PAX1: variants seen among roughly 807,000 people sequenced by gnomAD.
PAX1 encodes the protein paired box 1, also known as paired box protein Pax-1.
Under a neutral mutation model 35.6 loss-of-function variants are expected in PAX1, and 18 were observed. That is an observed-to-expected ratio of 0.50 (90% confidence interval 0.35 to 0.75). The LOEUF is 0.75. Among genes scored for constraint, PAX1 ranks in the 30% least tolerant of loss-of-function variants. The pLI, the probability that PAX1 is intolerant of heterozygous loss-of-function variation, is 0.01. For missense variants in PAX1, 760 were observed against 661.5 expected, an observed-to-expected ratio of 1.15 and a Z score of -1.63; for synonymous variants, 397 against 305.2, an observed-to-expected ratio of 1.30 and a Z score of -3.14.
intron 4 of PAX1, among the ~76,000 whole-genome samples, chr20:21,710,443 C>T (rs912000032): frequency 2.0e-5 from 3 of 152,196 alleles, no homozygotes; most frequent in Admixed American, 6.5e-5. Context: ...CACCCCAGGT[C>T]GTCCCAGCCC....
Position 21,706,563 on chromosome 20 carries a change from C to T in PAX1, c.412C>T (p.Arg138Trp). Residue 138 changes from arginine (R) to tryptophan (W), a missense_variant, in exon 2 of 5, where the codon CGG (arginine) becomes TGG (tryptophan). Arg to Trp is a moderately radical substitution (Grantham distance 101, BLOSUM62 -3). Transcript: ENST00000613128. The surrounding 1 kb of genome is among the most constrained non-coding windows in gnomAD (Gnocchi z 5.3). ...QLGIRPCDIS[R>W]QLRVSHGCVS... is the part of the protein sequence containing the mutation. Reference sequence around the variant, plus strand: ...GGGCATCCGACCCTGTGACATCAGTCGGCAGCTCCGCGTATCCCACGGCTG... The same window carrying T: ...GGGCATCCGACCCTGTGACATCAGTTGGCAGCTCCGCGTATCCCACGGCTG... 2 of 1,612,264 alleles carry T rather than the reference C, an allele frequency of 1.2e-6. No individual in the cohort carries two copies. Among genetic ancestry groups the T allele is most frequent in the Non-Finnish European group, 8.5e-7 (1 of 1,180,010 alleles).
chr20:21,714,464 C>G lies in PAX1; in HGVS notation c.1283-7C>G. ...GTGATCCGACGCCTCTGTGCTTCCT[C>G]CCGCAGTGGCTGACAGGAAGCCTCC... On this transcript the variant is annotated splice_polypyrimidine_tract_variant and splice_region_variant and intron_variant, in intron 4 of 4. Coordinates refer to ENST00000613128, the MANE Select transcript of PAX1 (RefSeq NM_001257096.2). 6.4e-7 allele frequency: 1 copy of G among 1,561,090 alleles called. No individual in the cohort carries two copies. The highest frequency in any genetic ancestry group is 8.7e-7 in the Non-Finnish European group (1 of 1,154,858).
intron 4 of PAX1, among the ~76,000 whole-genome samples, chr20:21,709,904 C>T (rs1030400860): frequency 6.6e-6 from 1 of 152,116 alleles, no homozygotes; most frequent in Admixed American, 6.5e-5. Flanking sequence ...ACCTAACCTC[C>T]ATCCCCAGAC....
intron 4 of PAX1, among the ~76,000 whole-genome samples, chr20:21,712,010 A>C (rs1397976050): frequency 6.6e-6 from 1 of 152,242 alleles, no homozygotes; most frequent in African/African-American, 2.4e-5. Context: ...CTTTTCAGTA[A>C]GAAAAAATTC....
chr20:21,711,545 T>G (rs1465571414), intron 4 of PAX1, among the ~76,000 whole-genome samples: 1 of 152,250 alleles, frequency 6.6e-6, no homozygotes, highest in African/African-American at 2.4e-5. Context: ...CACCTGTTTT[T>G]AAAAGCTACA....
chr20:21,705,840 C>T lies in PAX1; in HGVS notation c.128C>T (p.Pro43Leu), dbSNP rs1362165393. The change falls in exon 1 of 5, where the codon CCG becomes CTG. Residue 43 changes from proline to leucine, a missense_variant. This residue lies in a region of PAX1 where 222 missense variants were observed against 153.0 expected (regional missense o/e 1.45). Transcript: ENST00000613128. ...LRCRAQRVSS[P>L]RLGRRGSRLS... ...TGCCGCGCACAGCGCGTCTCCAGCC[C>T]GCGGCTGGGCCGCCGCGGCTCTCGG... The T allele has an allele frequency of 3.7e-6, 5 of 1,364,774 alleles. No homozygotes were observed. The African/African-American group carries it at 6.1e-5, about 17-fold the overall frequency. 84.5% of individuals were successfully genotyped at this position (1,364,774 alleles called of 1,614,324 possible).
intron 4 of PAX1, among the ~76,000 whole-genome samples, chr20:21,712,474 A>G (rs914897398): frequency 2.0e-5 from 3 of 152,154 alleles, no homozygotes; most frequent in East Asian, 3.9e-4. Context: ...GGGCACGACC[A>G]TCTCCCCTTC....
intron 4 of PAX1, among the ~76,000 whole-genome samples, chr20:21,713,259 C>T (rs183815725): frequency 3.9e-5 from 6 of 152,244 alleles, no homozygotes; most frequent in East Asian, 1.9e-4. Flanking sequence ...GTTGGCTGGG[C>T]GGCCACAACT....
rs1403426625 is a variant in PAX1 at position 21,717,243 on chromosome 20, G to C, written c.*2681G>C. ...CAGCAGGCTCTGACATTTCATGTGG[G>C]GTGTGGAGGGACATACCCCCTCTCT... On this transcript the variant is annotated 3_prime_UTR_variant, in exon 5 of 5. Coordinates refer to ENST00000613128, the MANE Select transcript of PAX1 (RefSeq NM_001257096.2). The C allele has an allele frequency of 6.6e-6, 1 of 152,246 alleles. No homozygotes were observed. Among genetic ancestry groups the C allele is most frequent in the Non-Finnish European group, 1.5e-5 (1 of 68,076 alleles). 9.4% of individuals were successfully genotyped at this position (152,246 alleles called of 1,614,324 possible).
intron 4 of PAX1, among the ~76,000 whole-genome samples, chr20:21,710,518 T>G (rs549229227): frequency 6.6e-6 from 1 of 152,208 alleles, no homozygotes; most frequent in East Asian, 1.9e-4. Context: ...TATAAAAGGA[T>G]TTTTACTAGC....
chr20:21,714,479 AG>A lies in PAX1; in HGVS notation c.1293del (p.Lys432SerfsTer107). The A allele has an allele frequency of 6.3e-7, 1 of 1,580,066 alleles. No individual in the cohort carries two copies. Among genetic ancestry groups the A allele is most frequent in the Non-Finnish European group, 8.6e-7 (1 of 1,165,258 alleles). On this transcript the variant is annotated frameshift_variant, in exon 5 of 5. Coordinates refer to ENST00000613128, the MANE Select transcript of PAX1 (RefSeq NM_001257096.2). LOFTEE classifies it high-confidence loss of function. ...TGTGCTTCCTCCCGCAGTGGCTGAC[AG>A]GAAGCCTCCCAGCTCCGGCAGCAAG... ...FKHPSREVADRKPPSSGSKAP... is the reference protein window; with the variant it reads ...FKHPSREVADXKPPSSGSKAP...
rs1320609661 is a variant in PAX1, at chr20:21,706,761, G to A, written c.610G>A (p.Gly204Ser). The change falls in exon 2 of 5, where the codon GGC (glycine) becomes AGC (serine). Residue 204 changes from glycine (G) to serine (S), a missense_variant. This residue lies in a region of PAX1 where 490 missense variants were observed against 428.4 expected (regional missense o/e 1.14). Transcript: ENST00000613128. This position sits in a 1 kb window ranked among gnomAD's most constrained non-coding sequence, Gnocchi z 5.3. The stretch of plus-strand genomic sequence containing the variant: ...GATCCGCGACCGGCTGCTGGCCGAC[G>A]GCGTCTGTGACAAGTACAATGTGCC... ...WEIRDRLLAD[G>S]VCDKYNVPSV... is the part of the protein sequence containing the mutation. 2 of 1,613,258 alleles carry A rather than the reference G, an allele frequency of 1.2e-6. No homozygotes were observed. The highest frequency in any genetic ancestry group is 1.7e-5 in the Admixed American group (1 of 60,012).
chr20:21,708,583 C>G lies in PAX1; in HGVS notation c.942C>G (p.Thr314=). The change falls in exon 3 of 5, where the codon ACC becomes ACG. Residue 314 remains threonine (T), a synonymous_variant. Transcript: ENST00000613128. ...QTGALAGSEG[T]AYSPKMEDWA... ...GGGCCCTGGCTGGGAGCGAAGGCAC[C>G]GCTTACTCTCCCAAGATGGAAGACT... 1 of 1,613,780 alleles carries G rather than the reference C, an allele frequency of 6.2e-7. No individual in the cohort carries two copies. The highest frequency in any genetic ancestry group is 1.1e-5 in the South Asian group (1 of 91,082).
chr20:21,714,836 A>G lies in PAX1; in HGVS notation c.*274A>G, dbSNP rs1202672506. 6.4e-7 allele frequency: 1 copy of G among 1,563,090 alleles called. No homozygotes were observed. Among genetic ancestry groups the G allele is most frequent in the Non-Finnish European group, 8.7e-7 (1 of 1,146,874 alleles). ...TACCCTCCTCACAATCCTTGCTCTG[A>G]CGTGGCCTCCTTCGCTCTGCCAGCT... On this transcript the variant is annotated 3_prime_UTR_variant, in exon 5 of 5. Coordinates refer to ENST00000613128, the MANE Select transcript of PAX1 (RefSeq NM_001257096.2).
chr20:21,712,558 C>G (rs1359221554), intron 4 of PAX1, among the ~76,000 whole-genome samples: 1 of 152,122 alleles, frequency 6.6e-6, no homozygotes, highest in East Asian at 1.9e-4. Flanking sequence ...TTTCAGAGAC[C>G]CTCGAAACCT....
rs1171077252 is a variant in PAX1, at chr20:21,714,961, CT to C, written c.*400del. On this transcript the variant is annotated 3_prime_UTR_variant, in exon 5 of 5. Coordinates refer to ENST00000613128, the MANE Select transcript of PAX1 (RefSeq NM_001257096.2). ...TTCTCACTCTCCCTCCCTTCCCTTTCTCTTTCCCTTCCTCCCTACCTTCCAC... is the reference window on the plus strand; with the variant it reads ...TTCTCACTCTCCCTCCCTTCCCTTTCCTTTCCCTTCCTCCCTACCTTCCAC... 4.1e-6 allele frequency: 3 copies of C among 726,428 alleles called. No homozygotes were observed. The highest frequency in any genetic ancestry group is 7.2e-6 in the Non-Finnish European group (3 of 414,288). 45.0% of individuals were successfully genotyped at this position (726,428 alleles called of 1,614,324 possible).
chr20:21,715,048 G>C lies in PAX1; in HGVS notation c.*486G>C. ...CCTTCCACTCTCTTTTCCTTGCTCC[G>C]ACCTCTGCTCCAGTCCCGCTTCTTC... On this transcript the variant is annotated 3_prime_UTR_variant, in exon 5 of 5. Coordinates refer to ENST00000613128, the MANE Select transcript of PAX1 (RefSeq NM_001257096.2). 1 of 599,302 alleles carries C rather than the reference G, an allele frequency of 1.7e-6. No individual in the cohort carries two copies. Among genetic ancestry groups the C allele is most frequent in the Middle Eastern group, 4.4e-4 (1 of 2,252 alleles). The allele number at this position is 599,302 out of a possible 1,614,324, so 37.1% of individuals were successfully genotyped here. A position where few individuals can be genotyped will look rare whatever the true frequency, so the allele number is the denominator to read the frequency against.
chr20:21,705,812 C>G lies in PAX1; in HGVS notation c.100C>G (p.Arg34Gly). The G allele has an allele frequency of 3.9e-6, 5 of 1,293,452 alleles. No homozygotes were observed. The highest frequency in any genetic ancestry group is 4.9e-6 in the Non-Finnish European group (5 of 1,022,924). The allele number at this position is 1,293,452 out of a possible 1,614,324, so 80.1% of individuals were successfully genotyped here. A position where few individuals can be genotyped will look rare whatever the true frequency, so the allele number is the denominator to read the frequency against. ...AGPGAGGSAL[R>G]CRAQRVSSPR... ...CCCTGGAGCGGGCGGCAGCGCGCTC[C>G]GCTGCCGCGCACAGCGCGTCTCCAG... is the stretch of plus-strand genomic sequence containing the variant. Residue 34 changes from arginine (R) to glycine (G), a missense_variant, in exon 1 of 5, where the codon CGC (arginine) becomes GGC (glycine). Arg to Gly is a moderately radical substitution (Grantham distance 125). Around this residue, in one of 3 missense-constraint regions of PAX1, gnomAD observed 222 missense variants for 153.0 expected, o/e 1.45. Transcript: ENST00000613128.
Position 21,705,777 on chromosome 20 carries a change from CGGCGGCAGGCCCTGGAGCG to C in PAX1, c.74_92del (p.Gly25AlafsTer72). On this transcript the variant is annotated frameshift_variant, in exon 1 of 5. Coordinates refer to ENST00000613128, the MANE Select transcript of PAX1 (RefSeq NM_001257096.2). LOFTEE classifies it high-confidence loss of function. ...GTGTCCTGGGAGGGGGCAGCAGCGGCGGCGGCAGGCCCTGGAGCGGGCGGCAGCGCGCTCCGCTGCCGCG... is the reference window on the plus strand; with the variant it reads ...GTGTCCTGGGAGGGGGCAGCAGCGGCGGCGGCAGCGCGCTCCGCTGCCGCG... 3 of 1,261,184 alleles carry C rather than the reference CGGCGGCAGGCCCTGGAGCG, an allele frequency of 2.4e-6. No individual in the cohort carries two copies. The highest frequency in any genetic ancestry group is 3.0e-6 in the Non-Finnish European group (3 of 1,002,630). 78.1% of individuals were successfully genotyped at this position (1,261,184 alleles called of 1,614,324 possible). A position where few individuals can be genotyped will look rare whatever the true frequency, so the allele number is the denominator to read the frequency against.
Sources: allele counts gnomAD v4.1 joint callset (sites outside exome capture counted in the v4.1 genomes callset), GRCh38; gene constraint gnomAD v4.1.1; regional missense constraint gnomAD v4.1.1; non-coding constraint Gnocchi (gnomAD v3.1); transcripts MANE v1.5; gene names NCBI Gene and HGNC (gene_info 2026-07-23, HGNC 2026-07-21).